Variants in TUSC3 observed in about 807,000 individuals in gnomAD.
The protein encoded by TUSC3 is tumor suppressor candidate 3.
A neutral mutation model predicts 44.8 loss-of-function variants in TUSC3; 45 were observed. That is an observed-to-expected ratio of 1.00 (90% CI 0.79 to 1.29). The LOEUF is 1.29. Ranked by LOEUF, TUSC3 falls within the 50% of genes most tolerant of loss-of-function variation. TUSC3 has a pLI of 0.00. For missense variants in TUSC3, 519 were observed against 437.9 expected, an observed-to-expected ratio of 1.19 and a Z score of -1.65; for synonymous variants, 212 against 152.9, an observed-to-expected ratio of 1.39 and a Z score of -2.85.
At chr8:15,657,524 G>A (rs969842716) in intron 3 of TUSC3, among the ~76,000 whole-genome samples, 4 of 152,146 alleles carry the variant, frequency 2.6e-5, no homozygotes, top group Non-Finnish European at 5.9e-5. Context: ...GACCTCATCA[G>A]AATGGCTTTT....
Position 15,482,162 on chromosome 8 carries a change from G to T in TUSC3, n.92-1224G>T, listed in dbSNP as rs142420112. On this transcript the variant is annotated intron_variant and non_coding_transcript_variant, in intron 1 of 5. Coordinates refer to the TUSC3 transcript ENST00000503191. ...TCCTTATCTGTTTAAGTTTTACCAT[G>T]AGATTGCAGCAACTCAGTCACATCT... Among the ~76,000 whole-genome samples the T allele has an allele frequency of 3.3e-5, 5 of 152,190 alleles. No individual in the cohort carries two copies. In the East Asian group the frequency reaches 9.7e-4, roughly 29 times the overall value.
At chr8:15,489,544 A>AG (rs1282384096) in intron 2 of TUSC3, among the ~76,000 whole-genome samples, 1 of 152,208 alleles carries the variant, frequency 6.6e-6, no homozygotes, top group Non-Finnish European at 1.5e-5. Context: ...GAAAGCTTTG[A>AG]GGGGCCATTT....
intron 3 of TUSC3, among the ~76,000 whole-genome samples, chr8:15,658,639 T>TACACAC (rs57739356): frequency 0.18 from 26,027 of 148,500 alleles, 2,285 homozygotes; most frequent in Middle Eastern, 0.25. Flanking sequence ...CACATATATA[T>TACACAC]ACACACACAC....
intron 1 of TUSC3, among the ~76,000 whole-genome samples, chr8:15,461,768 A>G (rs1800349079): frequency 6.6e-6 from 1 of 151,994 alleles, no homozygotes; most frequent in Admixed American, 6.6e-5. Context: ...AAAAAAGAAA[A>G]AATGAAGACA....
At chr8:15,659,756 C>T in intron 4 of TUSC3, 109 bp downstream of exon 4, 2 of 1,428,964 alleles carry the variant, frequency 1.4e-6, no homozygotes, top group South Asian at 1.2e-5. Flanking sequence ...GGTTGTTTCT[C>T]CTTGCATAGA....
At chr8:15,720,199 TATAC>T (rs1363473204) in intron 6 of TUSC3, among the ~76,000 whole-genome samples, 6 of 100,796 alleles carry the variant, frequency 6.0e-5, no homozygotes, top group African/African-American at 8.3e-5. Context: ...TGTATATATA[TATAC>T]ACACACACAC....
intron 6 of TUSC3, among the ~76,000 whole-genome samples, chr8:15,693,438 G>GTTATT (rs1450067369): frequency 1.7e-5 from 1 of 57,394 alleles, no homozygotes; most frequent in African/African-American, 5.7e-5. Context: ...TTGGTTGGAA[G>GTTATT]TTCTTTTTTT....
chr8:15,806,151 C>T, the TUSC3 span: 1 of 470,112 alleles, frequency 2.1e-6, no homozygotes, highest in Admixed American at 2.7e-5. Flanking sequence ...GCAGTTTTAG[C>T]ACATAGCATC....
In TUSC3 at chr8:15,628,687, A is replaced by G. The variant is rs1377289196; in HGVS notation, c.308+5438A>G. On this transcript the variant is annotated intron_variant, in intron 2 of 10. Coordinates refer to ENST00000503731, the MANE Select transcript of TUSC3 (RefSeq NM_006765.4). The stretch of plus-strand genomic sequence containing the variant: ...TCACTGAGAAGCAATGGAAATGGAA[A>G]GGCTTAACTAATTGGATAACCATGT... 3.3e-5 allele frequency among the ~76,000 whole-genome samples: 5 copies of G among 152,346 alleles called. No homozygotes were observed. In the East Asian group the frequency reaches 7.7e-4, roughly 24 times the overall value.
intron 1 of TUSC3, among the ~76,000 whole-genome samples, chr8:15,462,010 C>T: frequency 6.6e-6 from 1 of 151,972 alleles, no homozygotes; most frequent in East Asian, 1.9e-4. Context: ...TGTTTTCTTT[C>T]TTTACTTACT....
At chr8:15,735,451 A>G (rs1810888628) in intron 7 of TUSC3, among the ~76,000 whole-genome samples, 1 of 152,194 alleles carries the variant, frequency 6.6e-6, no homozygotes, top group Non-Finnish European at 1.5e-5. Context: ...AGGCCTCATA[A>G]TTGGTTGATG....
intron 1 of TUSC3, among the ~76,000 whole-genome samples, chr8:15,576,521 C>G (rs1160548989): frequency 7.2e-6 from 1 of 137,946 alleles, no homozygotes; most frequent in African/African-American, 2.7e-5. Flanking sequence ...TCCATGTGAT[C>G]TCATTGTTCA....
chr8:15,751,708 C>G (rs1390091663), intron 9 of TUSC3, among the ~76,000 whole-genome samples: 1 of 152,088 alleles, frequency 6.6e-6, no homozygotes, highest in African/African-American at 2.4e-5. Flanking sequence ...GTTAACACCA[C>G]CAAATATGTG....
intron 2 of TUSC3, among the ~76,000 whole-genome samples, chr8:15,513,259 C>T (rs1801166747): frequency 1.3e-5 from 2 of 151,722 alleles, no homozygotes; most frequent in Admixed American, 6.6e-5. Flanking sequence ...TAAAAGAAAC[C>T]ACACAGTAGA....
intron 6 of TUSC3, among the ~76,000 whole-genome samples, chr8:15,719,018 C>T (rs1259886686): frequency 6.6e-6 from 1 of 152,026 alleles, no homozygotes; most frequent in Non-Finnish European, 1.5e-5. Flanking sequence ...TCACTTCTTA[C>T]CACCTGCTGT....
At chr8:15,807,044 G>A in the TUSC3 span, 10 of 1,421,038 alleles carry the variant, frequency 7.0e-6, no homozygotes, top group Middle Eastern at 1.8e-4. Flanking sequence ...CCTGGTTATC[G>A]GCGATGTGAT....
chr8:15,675,746 A>T (rs1467843837), intron 6 of TUSC3, among the ~76,000 whole-genome samples: 1 of 152,120 alleles, frequency 6.6e-6, no homozygotes, highest in East Asian at 1.9e-4. Context: ...AGCTGCATCC[A>T]TATTGCTGCA....
At chr8:15,691,503 A>C (rs1204230515) in intron 6 of TUSC3, among the ~76,000 whole-genome samples, 1 of 152,050 alleles carries the variant, frequency 6.6e-6, no homozygotes, top group East Asian at 1.9e-4. Flanking sequence ...CTTTTATTTC[A>C]TTCTCTTGCT....
At chr8:15,743,503 A>C in intron 7 of TUSC3, 35 bp from the exon 8 acceptor site, 1 of 1,608,922 alleles carries the variant, frequency 6.2e-7, no homozygotes, top group Admixed American at 1.7e-5. Flanking sequence ...TTTTATTCAC[A>C]TCTATGTCTA....
Sources: allele counts gnomAD v4.1 joint callset (sites outside exome capture counted in the v4.1 genomes callset), GRCh38; gene constraint gnomAD v4.1.1; transcripts MANE v1.5; gene names NCBI Gene and HGNC (gene_info 2026-07-23, HGNC 2026-07-21).